The following CLIC5 variants were observed in gnomAD, a reference collection of about 807,000 sequenced individuals.
The protein encoded by CLIC5 is chloride intracellular channel protein 5.
CLIC5 carries 20 observed loss-of-function variants against 24.7 expected under a neutral mutation model. The observed-to-expected ratio is 0.81, with a 90% CI of 0.57 to 1.18. CLIC5 has a LOEUF of 1.18. Among genes scored for constraint, CLIC5 ranks in the 50% most tolerant of loss-of-function variants. The probability of loss-of-function intolerance (pLI) is 0.00; values close to 1 mark genes in which losing one functional copy is unlikely to be tolerated. For synonymous variants in CLIC5, 159 were observed against 135.6 expected, an observed-to-expected ratio of 1.17 and a Z score of -1.20; for missense variants, 341 against 326.1, an observed-to-expected ratio of 1.05 and a Z score of -0.35.
intron 1 of CLIC5, among the ~76,000 whole-genome samples, chr6:45,991,551 T>C (rs1436642178): frequency 6.6e-6 from 1 of 152,206 alleles, no homozygotes; most frequent in Non-Finnish European, 1.5e-5. Flanking sequence ...AACTGTGAGA[T>C]AAGAAAGGTA....
intron 4 of CLIC5, among the ~76,000 whole-genome samples, chr6:45,917,502 T>C (rs908547278): frequency 1.3e-5 from 2 of 152,264 alleles, no homozygotes; most frequent in Non-Finnish European, 2.9e-5. Context: ...GGAAAATCAA[T>C]AGCCTGGAGA....
the CLIC5 span, among the ~76,000 whole-genome samples, chr6:46,116,316 G>A: frequency 6.6e-6 from 1 of 152,166 alleles, no homozygotes; most frequent in Non-Finnish European, 1.5e-5. Flanking sequence ...GCTGGCCTGT[G>A]CATTGGTGAA....
intron 1 of CLIC5, among the ~76,000 whole-genome samples, chr6:45,991,265 A>T (rs1050862274): frequency 6.6e-6 from 1 of 152,362 alleles, no homozygotes; most frequent in East Asian, 1.9e-4. Context: ...AAGCTGCTAG[A>T]AAAGAGATTC....
chr6:46,093,030 C>A, the CLIC5 span, among the ~76,000 whole-genome samples: 1 of 152,148 alleles, frequency 6.6e-6, no homozygotes, highest in Non-Finnish European at 1.5e-5. Flanking sequence ...TTTTATCAGA[C>A]TAAGCTTTTC....
At chr6:45,954,864 C>G (rs1290360291) in intron 2 of CLIC5, among the ~76,000 whole-genome samples, 1 of 152,170 alleles carries the variant, frequency 6.6e-6, no homozygotes, top group African/African-American at 2.4e-5. Flanking sequence ...ATATGTGCAC[C>G]AGAAACTTAG....
At chr6:46,122,994 C>A in the CLIC5 span, 1 of 152,190 alleles carries the variant, frequency 6.6e-6, no homozygotes, top group Non-Finnish European at 1.5e-5. Flanking sequence ...CCGAATTCTA[C>A]CAGAGGTACA....
intron 5 of CLIC5, among the ~76,000 whole-genome samples, chr6:45,904,199 G>T (rs763519510): frequency 6.6e-6 from 1 of 152,088 alleles, no homozygotes; most frequent in Non-Finnish European, 1.5e-5. Flanking sequence ...CTCTAAAATG[G>T]ATATAATAAT....
upstream of CLIC5, among the ~76,000 whole-genome samples, chr6:46,016,098 G>A (rs1030025088): frequency 1.3e-5 from 2 of 148,778 alleles, no homozygotes; most frequent in Non-Finnish European, 3.0e-5. Flanking sequence ...GAGGAGAAGG[G>A]GAAGGGGAAG....
intron 1 of CLIC5, among the ~76,000 whole-genome samples, chr6:46,063,991 G>C (rs1445280736): frequency 6.6e-6 from 1 of 152,120 alleles, no homozygotes; most frequent in Non-Finnish European, 1.5e-5. Flanking sequence ...GCAGCCAAAA[G>C]ATATTACTAG....
chr6:46,072,491 TGTCCA>T (rs1762636340), intron 1 of CLIC5, among the ~76,000 whole-genome samples: 1 of 152,180 alleles, frequency 6.6e-6, no homozygotes, highest in African/African-American at 2.4e-5. Context: ...TTAGTGATGC[TGTCCA>T]GGATGATGGG....
chr6:45,954,461 C>A (rs1232275197), intron 2 of CLIC5, among the ~76,000 whole-genome samples: 1 of 151,956 alleles, frequency 6.6e-6, no homozygotes, highest in Non-Finnish European at 1.5e-5. Context: ...ATAAAGATAA[C>A]AAGGAGAATA....
chr6:46,104,664 TAAA>T, the CLIC5 span, among the ~76,000 whole-genome samples: 5 of 131,354 alleles, frequency 3.8e-5, no homozygotes, highest in Admixed American at 7.7e-5. Flanking sequence ...CTCCTATGTT[TAAA>T]AAAAAAAAAA....
intron 1 of CLIC5, among the ~76,000 whole-genome samples, chr6:46,051,820 T>C (rs958511816): frequency 6.6e-6 from 1 of 152,188 alleles, no homozygotes; most frequent in Non-Finnish European, 1.5e-5. Flanking sequence ...GATATGGAAA[T>C]TGGGGCTCAA....
chr6:46,029,915 A>C (rs148735855), intron 1 of CLIC5, among the ~76,000 whole-genome samples: 6 of 152,264 alleles, frequency 3.9e-5, no homozygotes, highest in African/African-American at 1.4e-4. Context: ...TCCAGACCAG[A>C]ATTCATTCCA....
intron 6 of CLIC5, chr6:45,881,206 A>G: frequency 2.5e-6 from 1 of 398,362 alleles, no homozygotes. Flanking sequence ...TAAAGAAACA[A>G]CAGGATTTGA....
At chr6:46,052,648 T>A (rs533158608) in intron 1 of CLIC5, among the ~76,000 whole-genome samples, 1 of 152,242 alleles carries the variant, frequency 6.6e-6, no homozygotes, top group Admixed American at 6.5e-5. Context: ...TGGGACTCCA[T>A]TGGAGGGAGT....
chr6:46,096,834 G>A, the CLIC5 span, among the ~76,000 whole-genome samples: 3 of 152,160 alleles, frequency 2.0e-5, no homozygotes, highest in Non-Finnish European at 2.9e-5. Context: ...CTTACTATAC[G>A]ATTTAATTTC....
chr6:45,953,393 G>A (rs1764534118), intron 2 of CLIC5, among the ~76,000 whole-genome samples: 1 of 152,166 alleles, frequency 6.6e-6, no homozygotes, highest in African/African-American at 2.4e-5. Flanking sequence ...GCTTGTATGA[G>A]TGTGGTGGGA....
At chr6:46,060,245 C>T (rs914806870) in intron 1 of CLIC5, among the ~76,000 whole-genome samples, 3 of 151,976 alleles carry the variant, frequency 2.0e-5, no homozygotes, top group Non-Finnish European at 1.5e-5. Context: ...GCTGAGGCAT[C>T]CATCAGGATG....
Sources: allele counts gnomAD v4.1 joint callset (sites outside exome capture counted in the v4.1 genomes callset), GRCh38; gene constraint gnomAD v4.1.1; transcripts MANE v1.5; gene names NCBI Gene and HGNC (gene_info 2026-07-23, HGNC 2026-07-21).